The following SCMH1 variants were observed in gnomAD, a reference collection of about 807,000 sequenced individuals.
SCMH1 encodes Scm polycomb group protein homolog 1.
In SCMH1, 37 loss-of-function variants were observed where a neutral mutation model predicts 70.8. The ratio of observed to expected loss-of-function variants is 0.52; its 90% CI spans 0.40 to 0.69. The LOEUF (loss-of-function observed/expected upper bound fraction) is 0.69. Ranked by LOEUF, SCMH1 falls within the 30% of genes least tolerant of loss-of-function variation. SCMH1 has a pLI of 0.00. For synonymous variants in SCMH1, 292 were observed against 307.4 expected (o/e 0.95, Z 0.52); for missense variants, 607 against 827.3 (o/e 0.73, Z 3.27).
At position 41,072,239 on chromosome 1, in the gene SCMH1, A is replaced by T. The variant is rs570470644; in HGVS notation, c.979-1518T>A. On this transcript the variant is annotated intron_variant, in intron 9 of 14. Transcript: ENST00000337495. ...TTTTTACTGCTAAAAGTGAAAATCC[A>T]AATACGTAATGAATGAGTCAGGGAA... 9.2e-5 allele frequency among the ~76,000 whole-genome samples: 14 copies of T among 152,340 alleles called. No individual in the cohort carries two copies. The South Asian group carries it at 2.9e-3, about 32-fold the overall frequency.
At chr1:41,157,740 G>A (rs74588154) in intron 4 of SCMH1, among the ~76,000 whole-genome samples, 9,017 of 152,218 alleles carry the variant, frequency 0.059, 360 homozygotes, top group South Asian at 0.12. Context: ...CACACTCAGT[G>A]ACTAAAGCTC....
At chr1:41,191,046 T>C (rs1651597095) in intron 1 of SCMH1, among the ~76,000 whole-genome samples, 1 of 152,190 alleles carries the variant, frequency 6.6e-6, no homozygotes, top group African/African-American at 2.4e-5. Flanking sequence ...GGCTAACTTT[T>C]TTATTTTTTG....
At chr1:41,174,791 T>C (rs908043527) in intron 2 of SCMH1, among the ~76,000 whole-genome samples, 1 of 152,252 alleles carries the variant, frequency 6.6e-6, no homozygotes, top group Non-Finnish European at 1.5e-5. Context: ...ACAAAAGTTG[T>C]ATTGACTTTA....
intron 1 of SCMH1, among the ~76,000 whole-genome samples, chr1:41,208,531 T>C (rs1300732562): frequency 1.3e-5 from 2 of 152,014 alleles, no homozygotes; most frequent in Admixed American, 1.3e-4. Context: ...AAACTGTCTC[T>C]CAGACCACAG....
intron 1 of SCMH1, among the ~76,000 whole-genome samples, chr1:41,222,742 C>T (rs1179034615): frequency 6.6e-6 from 1 of 152,132 alleles, no homozygotes; most frequent in Admixed American, 6.5e-5. Flanking sequence ...GTAATTCAAA[C>T]ACTCAAGAAG....
intron 2 of SCMH1, among the ~76,000 whole-genome samples, chr1:41,176,189 C>CAAAAAAAAAAA (rs61348122): frequency 3.6e-5 from 4 of 109,954 alleles, no homozygotes; most frequent in African/African-American, 7.9e-5. Context: ...CCAAAAAAAA[C>CAAAAAAAAAAA]AAAAAAAAAA....
intron 8 of SCMH1, among the ~76,000 whole-genome samples, chr1:41,077,491 C>T (rs1658662652): frequency 6.6e-6 from 1 of 152,108 alleles, no homozygotes; most frequent in Non-Finnish European, 1.5e-5. Context: ...AGATAAGGTT[C>T]CACTAGAAGT....
At chr1:41,165,703 T>C (rs1646368086) in intron 2 of SCMH1, among the ~76,000 whole-genome samples, 1 of 152,146 alleles carries the variant, frequency 6.6e-6, no homozygotes, top group South Asian at 2.1e-4. Context: ...AAAATGTCTA[T>C]TCAAGTCCTT....
At chr1:41,223,874 A>G (rs913092837) in intron 1 of SCMH1, among the ~76,000 whole-genome samples, 2 of 152,088 alleles carry the variant, frequency 1.3e-5, no homozygotes, top group African/African-American at 4.8e-5. Flanking sequence ...CACTCAAGGG[A>G]TAGTCTTTGT....
intron 1 of SCMH1, among the ~76,000 whole-genome samples, chr1:41,190,086 T>A (rs183596569): frequency 6.6e-6 from 1 of 152,360 alleles, no homozygotes; most frequent in Non-Finnish European, 1.5e-5. Flanking sequence ...ACGATGACAG[T>A]CCTGGATGCT....
chr1:41,211,578 T>A (rs1213504989), intron 1 of SCMH1, among the ~76,000 whole-genome samples: 2 of 152,134 alleles, frequency 1.3e-5, no homozygotes, highest in Admixed American at 6.5e-5. Context: ...GGAGTGTAAA[T>A]TAGTTCAACC....
chr1:41,133,049 T>C (rs1642633482), intron 6 of SCMH1, among the ~76,000 whole-genome samples: 1 of 152,128 alleles, frequency 6.6e-6, no homozygotes, highest in Non-Finnish European at 1.5e-5. Context: ...CCATATGAAA[T>C]TTAAAGTAGT....
At chr1:41,147,516 A>G (rs1350787590) in intron 5 of SCMH1, among the ~76,000 whole-genome samples, 4 of 152,172 alleles carry the variant, frequency 2.6e-5, no homozygotes, top group African/African-American at 4.8e-5. Flanking sequence ...GTGTATCTAC[A>G]TATGTTGGAC....
At chr1:41,181,352 T>A (rs945821733) in intron 2 of SCMH1, among the ~76,000 whole-genome samples, 11 of 152,008 alleles carry the variant, frequency 7.2e-5, no homozygotes, top group African/African-American at 2.7e-4. Flanking sequence ...ACAAATGGGA[T>A]CTAATTAAAC....
chr1:41,103,489 A>T (rs1667124362), intron 8 of SCMH1, among the ~76,000 whole-genome samples: 1 of 152,032 alleles, frequency 6.6e-6, no homozygotes, highest in Non-Finnish European at 1.5e-5. Context: ...TTTCAGTAAG[A>T]TTTTCCTGAA....
chr1:41,238,838 G>A (rs1662913877), intron 1 of SCMH1, among the ~76,000 whole-genome samples: 1 of 152,108 alleles, frequency 6.6e-6, no homozygotes, highest in East Asian at 1.9e-4. Context: ...TTTGCTCACT[G>A]ATCTAACTCA....
chr1:41,238,362 A>C (rs1305248980), intron 1 of SCMH1, among the ~76,000 whole-genome samples: 1 of 152,228 alleles, frequency 6.6e-6, no homozygotes, highest in Non-Finnish European at 1.5e-5. Flanking sequence ...CAGAGCAAAC[A>C]GAATGATTAA....
chr1:41,032,701 C>T (rs956034576), intron 13 of SCMH1, among the ~76,000 whole-genome samples: 3 of 152,108 alleles, frequency 2.0e-5, no homozygotes, highest in Non-Finnish European at 2.9e-5. Context: ...GGCTACTGGC[C>T]AGGCATGGTG....
At chr1:41,144,191 T>C (rs1644351584) in intron 5 of SCMH1, among the ~76,000 whole-genome samples, 1 of 152,186 alleles carries the variant, frequency 6.6e-6, no homozygotes, top group African/African-American at 2.4e-5. Context: ...ACACCATCCC[T>C]ATCTAATTTT....
Sources: allele counts gnomAD v4.1 joint callset (sites outside exome capture counted in the v4.1 genomes callset), GRCh38; gene constraint gnomAD v4.1.1; transcripts MANE v1.5; gene names NCBI Gene and HGNC (gene_info 2026-07-23, HGNC 2026-07-21).